The following ITIH1 variants were observed in gnomAD, a reference collection of about 807,000 sequenced individuals.
ITIH1 encodes the protein inter-alpha-trypsin inhibitor heavy chain H1.
In ITIH1, 94 loss-of-function variants were observed where a neutral mutation model predicts 104.6. The ratio of observed to expected loss-of-function variants is 0.90; its 90% CI spans 0.76 to 1.07. The LOEUF is 1.07. Ranked by LOEUF, ITIH1 falls within the 50% of genes least tolerant of loss-of-function variation. ITIH1 has a pLI of 0.00. For missense variants in ITIH1, 1,193 were observed against 1,181.4 expected, an observed-to-expected ratio of 1.01 and a Z score of -0.14; for synonymous variants, 455 against 464.4, an observed-to-expected ratio of 0.98 and a Z score of 0.26.
Position 52,787,093 on chromosome 3 carries a change from T to G in ITIH1, c.1882T>G (p.Ser628Ala), listed in dbSNP as rs1699223520. ...DGLKPTIDKP[S>A]EDSPPLEMLG... ...CCTGAAGCCCACCATCGACAAGCCC[T>G]CAGAGGGTATAGGCTGCAGGGGTCT... Residue 628 changes from serine to alanine, a missense_variant, in exon 14 of 22, where the codon TCA becomes GCA. By Grantham distance (99) the Ser-to-Ala change is moderately conservative. Coordinates refer to ENST00000273283, the MANE Select transcript of ITIH1 (RefSeq NM_002215.4). The G allele has an allele frequency of 6.2e-7, 1 of 1,614,190 alleles. No individual in the cohort carries two copies. The highest frequency in any genetic ancestry group is 2.2e-5 in the East Asian group (1 of 44,886).
Position 52,784,552 on chromosome 3 carries a change from A to T in ITIH1, c.1407+75A>T, listed in dbSNP as rs1699150765. Reference sequence around the variant, plus strand: ...CTGCCTTGGTGGCCGTTTGCCCATCAGCCTAGAGGAGCAGATAAAGCTCTG... The same window carrying T: ...CTGCCTTGGTGGCCGTTTGCCCATCTGCCTAGAGGAGCAGATAAAGCTCTG... On this transcript the variant is annotated intron_variant, in intron 11 of 21. Transcript: ENST00000273283. The T allele has an allele frequency of 2.1e-6, 3 of 1,418,406 alleles. No homozygotes were observed. The South Asian group carries it at 3.9e-5, about 18-fold the overall frequency. The allele number at this position is 1,418,406 out of a possible 1,614,324, so 87.9% of individuals were successfully genotyped here. A position where few individuals can be genotyped will look rare whatever the true frequency, so the allele number is the denominator to read the frequency against.
chr3:52,779,299 G>T lies in ITIH1; in HGVS notation c.411-133G>T. 1 of 1,014,384 alleles carries T rather than the reference G, an allele frequency of 9.9e-7. No homozygotes were observed. The highest frequency in any genetic ancestry group is 2.6e-5 in the East Asian group (1 of 38,996). The allele number at this position is 1,014,384 out of a possible 1,614,324, so 62.8% of individuals were successfully genotyped here. A position where few individuals can be genotyped will look rare whatever the true frequency, so the allele number is the denominator to read the frequency against. On this transcript the variant is annotated intron_variant, in intron 4 of 21. Transcript: ENST00000273283. The surrounding 1 kb of genome is among the most constrained non-coding windows in gnomAD (Gnocchi z 4.4). ...CCCTGACCAGCCAGCTAACACATTT[G>T]TGAGGTCCAGGGAAACCTGGGAGCA...
chr3:52,783,297 G>A lies in ITIH1; in HGVS notation c.1183G>A (p.Ala395Thr), dbSNP rs1373830049. The change falls in exon 10 of 22, where the codon GCC becomes ACC. Residue 395 changes from alanine to threonine, a missense_variant. By Grantham distance (58) the Ala-to-Thr change is moderately conservative. Coordinates refer to ENST00000273283, the MANE Select transcript of ITIH1 (RefSeq NM_002215.4). ...QESLPELSNH[A>T]SILIMLTDGD... The stretch of plus-strand genomic sequence containing the variant: ...AAGCCTCCCAGAACTCAGCAACCAT[G>A]CCTCAATACTCATCATGTTGACAGA... 1 of 1,614,132 alleles carries A rather than the reference G, an allele frequency of 6.2e-7. No individual in the cohort carries two copies. The highest frequency in any genetic ancestry group is 1.1e-5 in the South Asian group (1 of 91,068).
chr3:52,790,678 T>C, intron 19 of ITIH1, 71 bp from the exon 20 acceptor site: 1 of 1,519,358 alleles, frequency 6.6e-7, no homozygotes, highest in Non-Finnish European at 9.0e-7. Context: ...GGGTCCCAGA[T>C]GACAAGGGCA....
rs780603745 is a variant in ITIH1 at position 52,786,380 on chromosome 3, AC to A, written c.1681del (p.His561ThrfsTer19). On this transcript the variant is annotated frameshift_variant, in exon 13 of 22. Coordinates refer to ENST00000273283, the MANE Select transcript of ITIH1 (RefSeq NM_002215.4). LOFTEE classifies it high-confidence loss of function. ...CGAGAGCGTGGCCACATGCTGGAGAACCACGTCGAGCGCCTCTGGGCCTACC... is the reference window on the plus strand; with the variant it reads ...CGAGAGCGTGGCCACATGCTGGAGAACACGTCGAGCGCCTCTGGGCCTACC... ...LLRERGHMLE[N>X]HVERLWAYLT... 368 of 1,585,812 alleles carry A rather than the reference AC, an allele frequency of 2.3e-4. 1 individual carries two copies. The highest frequency in any genetic ancestry group is 6.8e-4 in the Admixed American group (38 of 56,212).
rs376776792 is a variant in ITIH1, at chr3:52,789,788, C to T, written c.2255C>T (p.Thr752Met). The T allele has an allele frequency of 3.9e-5, 63 of 1,614,128 alleles. No individual in the cohort carries two copies. The highest frequency in any genetic ancestry group is 8.9e-5 in the East Asian group (4 of 44,892). Residue 752 changes from threonine (T) to methionine (M), a missense_variant, in exon 19 of 22, where the codon ACG becomes ATG. By Grantham distance (81) the Thr-to-Met change is moderately conservative. Coordinates refer to ENST00000273283, the MANE Select transcript of ITIH1 (RefSeq NM_002215.4). The part of the protein sequence containing the change: ...FQLEVTPQNI[T>M]LNPGFGGPVF... ...TTGGAAGTGACTCCTCAGAACATTACGCTGAACCCCGGCTTTGGTGGGCCT... is the reference window on the plus strand; with the variant it reads ...TTGGAAGTGACTCCTCAGAACATTATGCTGAACCCCGGCTTTGGTGGGCCT...
Position 52,780,276 on chromosome 3 carries a change from T to C in ITIH1, c.581T>C (p.Val194Ala), listed in dbSNP as rs186672250. ...KQLVHHFEIDVDIFEPQGISK... is the reference protein window; with the variant it reads ...KQLVHHFEIDADIFEPQGISK... ...TTTGCTTCAATGTTGCAGATTGATG[T>C]GGACATCTTCGAGCCCCAGGGGATC... Residue 194 changes from valine (V) to alanine (A), a missense_variant, in exon 6 of 22, where the codon GTG (valine) becomes GCG (alanine). Coordinates refer to ENST00000273283, the MANE Select transcript of ITIH1 (RefSeq NM_002215.4). 1.9e-5 allele frequency: 31 copies of C among 1,611,344 alleles called. No individual in the cohort carries two copies. Among genetic ancestry groups the C allele is most frequent in the Non-Finnish European group, 2.0e-5 (23 of 1,178,024 alleles).
At chr3:52,781,348 T>C (rs1699055144) in intron 6 of ITIH1, among the ~76,000 whole-genome samples, 1 of 151,640 alleles carries the variant, frequency 6.6e-6, no homozygotes, top group African/African-American at 2.4e-5. Context: ...CTTCTCTTCT[T>C]CTTCCTCTTC....
chr3:52,790,907 C>T lies in ITIH1; in HGVS notation c.2480C>T (p.Thr827Met), dbSNP rs1020502742. The T allele has an allele frequency of 3.5e-5, 56 of 1,602,906 alleles. No homozygotes were observed. The highest frequency in any genetic ancestry group is 4.5e-5 in the South Asian group (4 of 89,568). Residue 827 changes from threonine (T) to methionine (M), a missense_variant, in exon 20 of 22, where the codon ACG becomes ATG. Transcript: ENST00000273283. ...VLDSHRMSAR[T>M]HGLLGQFFHP... ...GACAGTCATCGGATGTCAGCCCGGACGCACGGGCTGCTGGGTACGGCTGGC... is the reference window on the plus strand; with the variant it reads ...GACAGTCATCGGATGTCAGCCCGGATGCACGGGCTGCTGGGTACGGCTGGC...
chr3:52,791,936 T>C lies in ITIH1; in HGVS notation c.*25T>C. The C allele has an allele frequency of 6.3e-7, 1 of 1,598,276 alleles. No homozygotes were observed. The highest frequency in any genetic ancestry group is 8.5e-7 in the Non-Finnish European group (1 of 1,171,086). ...AGCCCTCTGGCCAGCACGCCTGTCC[T>C]CCCCCGGGGCCAAGGCAGAGGAGGA... is the stretch of plus-strand genomic sequence containing the variant. On this transcript the variant is annotated 3_prime_UTR_variant, in exon 22 of 22. Coordinates refer to ENST00000273283, the MANE Select transcript of ITIH1 (RefSeq NM_002215.4).
chr3:52,787,180 C>T lies in ITIH1; in HGVS notation c.1889-8C>T, dbSNP rs370812474. 3.1e-6 allele frequency: 5 copies of T among 1,614,020 alleles called. No homozygotes were observed. In the African/African-American group the frequency reaches 5.3e-5, roughly 17 times the overall value. ...GCTCTAATTATTTTCTCTTTCTCTC[C>T]CTTCCAGATTCTCCGCCTTTGGGTG... On this transcript the variant is annotated splice_region_variant and splice_polypyrimidine_tract_variant and intron_variant, in intron 14 of 21. Coordinates refer to ENST00000273283, the MANE Select transcript of ITIH1 (RefSeq NM_002215.4).
chr3:52,788,571 T>C (rs540263871), intron 18 of ITIH1, among the ~76,000 whole-genome samples: 1 of 151,430 alleles, frequency 6.6e-6, no homozygotes, highest in South Asian at 2.1e-4. Context: ...GCTTTTTTTT[T>C]TTTTTCTGAG....
intron 6 of ITIH1, among the ~76,000 whole-genome samples, chr3:52,781,267 T>G (rs1370002411): frequency 1.0e-4 from 14 of 134,760 alleles, no homozygotes; most frequent in Admixed American, 8.1e-4. Flanking sequence ...TTCTTCTTCT[T>G]CTTCTTCTTC....
At chr3:52,780,516 G>A in intron 6 of ITIH1, 134 bp downstream of exon 6, 2 of 632,502 alleles carry the variant, frequency 3.2e-6, no homozygotes, top group Non-Finnish European at 5.6e-6. Context: ...AGAGAAGCTG[G>A]TGTCATGTGA....
At chr3:52,780,042 T>C (rs1698995024) in intron 5 of ITIH1, 1 of 1,223,204 alleles carries the variant, frequency 8.2e-7, no homozygotes, top group Non-Finnish European at 1.1e-6. Context: ...GCTGGGTGGG[T>C]GCTGCACACA....
rs10526848 is a variant in ITIH1 at position 52,781,197 on chromosome 3, CTTTTTT to C, written c.688-735_688-730del. The stretch of plus-strand genomic sequence containing the variant: ...TCCTCCTCCTTCACCTCCTCCTCTT[CTTTTTT>C]TTTTTTTCTTCTTCTTCTTCTTCTT... On this transcript the variant is annotated intron_variant, in intron 6 of 21. Transcript: ENST00000273283. Among the ~76,000 whole-genome samples, 30 of 69,234 alleles carry C rather than the reference CTTTTTT, an allele frequency of 4.3e-4. 2 individuals are homozygous for C. Among genetic ancestry groups the C allele is most frequent in the African/African-American group, 1.7e-3 (29 of 16,832 alleles). The allele number at this position is 69,234 out of a possible 152,430, so 45.4% of individuals were successfully genotyped here.
intron 11 of ITIH1, 95 bp downstream of exon 11, chr3:52,784,572 G>A (rs1474217470): frequency 1.6e-6 from 2 of 1,258,604 alleles, no homozygotes; most frequent in African/African-American, 3.0e-5. Flanking sequence ...AGCAGATAAA[G>A]CTCTGGCATA....
In ITIH1 at chr3:52,783,132, G is replaced by T. The variant is rs377550998; in HGVS notation, c.1099+7G>T. 3 of 1,602,216 alleles carry T rather than the reference G, an allele frequency of 1.9e-6. No homozygotes were observed. In the African/African-American group the frequency reaches 4.0e-5, roughly 21 times the overall value. ...GGCTTTTCCCTGGATGAGGGTAAGG[G>T]TGGGGGTCTCAGGCAACCTTGATGT... On this transcript the variant is annotated splice_region_variant and intron_variant, in intron 9 of 21. Coordinates refer to ENST00000273283, the MANE Select transcript of ITIH1 (RefSeq NM_002215.4).
chr3:52,790,683 A>G (rs1578744078), intron 19 of ITIH1, 66 bp from the exon 20 acceptor site: 2 of 1,529,068 alleles, frequency 1.3e-6, no homozygotes, highest in East Asian at 4.6e-5. Context: ...CCAGATGACA[A>G]GGGCAGCTGA....
Sources: gnomAD v4.1 joint callset for allele counts (sites outside exome capture counted in the v4.1 genomes callset) on GRCh38, gnomAD v4.1.1 for gene constraint, Gnocchi (gnomAD v3.1) non-coding constraint, MANE v1.5 for transcripts, NCBI Gene and HGNC (gene_info 2026-07-23, HGNC 2026-07-21) for gene names.